Variants in C4orf50 observed in about 807,000 individuals in gnomAD.
C4orf50 encodes chromosome 4 open reading frame 50, also known as uncharacterized protein C4orf50.
In C4orf50, 80 loss-of-function variants were observed where a neutral mutation model predicts 77.2. The observed-to-expected ratio is 1.04, with a 90% confidence interval of 0.87 to 1.25. The LOEUF is 1.25. Ranked by LOEUF, C4orf50 falls within the 50% of genes most tolerant of loss-of-function variation. C4orf50 has a pLI of 0.00. For synonymous variants in C4orf50, 532 were observed against 465.3 expected, an observed-to-expected ratio of 1.14 and a Z score of -1.84; for missense variants, 1,257 against 1,152.9, an observed-to-expected ratio of 1.09 and a Z score of -1.31.
At chr4:6,004,333 ATGG>A (rs1722114848) in intron 25 of C4orf50, among the ~76,000 whole-genome samples, 4 of 104,594 alleles carry the variant, frequency 3.8e-5, no homozygotes, top group East Asian at 4.8e-4. Flanking sequence ...AATGGTGATG[ATGG>A]TGATGGTGAT....
Position 5,980,043 on chromosome 4 carries a change from C to A in C4orf50, c.3864+131G>T. Reference sequence around the variant, plus strand: ...TTTTTTTTCCTGGTACTGCCTTATACTTTAAAAATCCAGTACCTGCTCCCA... The same window carrying A: ...TTTTTTTTCCTGGTACTGCCTTATAATTTAAAAATCCAGTACCTGCTCCCA... On this transcript the variant is annotated intron_variant, in intron 29 of 33. Coordinates refer to ENST00000531445, the Ensembl canonical transcript of C4orf50. 4.6e-5 allele frequency: 27 copies of A among 588,790 alleles called. No individual in the cohort carries two copies. The East Asian group carries it at 5.0e-4, about 11-fold the overall frequency. The allele number at this position is 588,790 out of a possible 1,614,324, so 36.5% of individuals were successfully genotyped here. A position where few individuals can be genotyped will look rare whatever the true frequency, so the allele number is the denominator to read the frequency against.
intron 27 of C4orf50, among the ~76,000 whole-genome samples, 174 bp from the exon 6 acceptor site, chr4:5,990,998 C>T (rs541977931): frequency 2.6e-5 from 4 of 152,332 alleles, no homozygotes; most frequent in East Asian, 3.9e-4. Flanking sequence ...ACGTGCTCTT[C>T]GCTCTGCCCA....
intron 31 of C4orf50, among the ~76,000 whole-genome samples, chr4:5,972,454 A>G (rs1258304255): frequency 6.6e-6 from 1 of 152,246 alleles, no homozygotes; most frequent in Non-Finnish European, 1.5e-5. Context: ...AGAGAAGAGC[A>G]ACAGACTGGG....
At position 6,017,951 on chromosome 4, in the gene C4orf50, C is replaced by T. The variant is rs567862843; in HGVS notation, c.287+194G>A. Among the ~76,000 whole-genome samples, 119 of 152,268 alleles carry T rather than the reference C, an allele frequency of 7.8e-4. No homozygotes were observed. Among genetic ancestry groups the T allele is most frequent in the African/African-American group, 2.7e-3 (111 of 41,550 alleles). On this transcript the variant is annotated intron_variant, in intron 23 of 33. Coordinates refer to ENST00000531445, the Ensembl canonical transcript of C4orf50. The surrounding 1 kb of genome is among the most constrained non-coding windows in gnomAD (Gnocchi z 4.7). ...CCTTTGAGCAGAGGAGCCCGGGCAG[C>T]CTCATCTGCAGGTACAGAGCAGAAG... is the stretch of plus-strand genomic sequence containing the variant.
At chr4:5,948,519 G>A (rs1423936395) in intron 7 of C4orf50, among the ~76,000 whole-genome samples, 6 of 152,280 alleles carry the variant, frequency 3.9e-5, no homozygotes, top group African/African-American at 9.6e-5. Context: ...ACAAAAGGCC[G>A]GATGTGGTGG....
chr4:6,000,871 T>C lies in C4orf50; in HGVS notation c.964-6395A>G, dbSNP rs1721799896. On this transcript the variant is annotated intron_variant, in intron 25 of 33. Transcript: ENST00000531445. The surrounding 1 kb of genome is among the most constrained non-coding windows in gnomAD (Gnocchi z 6.0). The stretch of plus-strand genomic sequence containing the variant: ...CCATATTACCGTCTGAATTTTCATG[T>C]CCCCCCAAAACTCATCCGTTAAAAC... Among the ~76,000 whole-genome samples, 4 of 152,074 alleles carry C rather than the reference T, an allele frequency of 2.6e-5. No individual in the cohort carries two copies. In the South Asian group the frequency reaches 8.3e-4, roughly 32 times the overall value.
At chr4:5,922,994 T>G (rs1717349532) in intron 7 of C4orf50, among the ~76,000 whole-genome samples, 1 of 152,164 alleles carries the variant, frequency 6.6e-6, no homozygotes. Flanking sequence ...TTGACAGCAC[T>G]TCAGCATTCA....
intron 25 of C4orf50, among the ~76,000 whole-genome samples, chr4:6,004,211 G>GGTGATGATA (rs1722073472): frequency 1.4e-5 from 1 of 69,220 alleles, no homozygotes; most frequent in African/African-American, 4.9e-5. Flanking sequence ...TGGTGATGAT[G>GGTGATGATA]GTGATGGTGA....
chr4:5,921,412 C>G (rs576948149), intron 7 of C4orf50, among the ~76,000 whole-genome samples: 1 of 152,150 alleles, frequency 6.6e-6, no homozygotes, highest in Admixed American at 6.5e-5. Flanking sequence ...TACACACATG[C>G]GTGTCTGCAT....
rs1717047456 is a variant in C4orf50, at chr4:5,916,810, G to A, written c.*2475-18622C>T. Among the ~76,000 whole-genome samples the A allele has an allele frequency of 6.6e-6, 1 of 152,120 alleles. No individual in the cohort carries two copies. The highest frequency in any genetic ancestry group is 2.1e-4 in the South Asian group (1 of 4,820). ...GGCCTCGCAGATCTTCTGCTTAGAG[G>A]ACAGGAGCCTCTGCTTGAGGTGGGC... On this transcript the variant is annotated intron_variant, in intron 7 of 7. Coordinates refer to the C4orf50 transcript ENST00000324058. The surrounding 1 kb of genome is among the most constrained non-coding windows in gnomAD (Gnocchi z 4.4).
intron 23 of C4orf50, among the ~76,000 whole-genome samples, chr4:6,014,689 C>A (rs1477881536): frequency 6.6e-6 from 1 of 152,190 alleles, no homozygotes; most frequent in African/African-American, 2.4e-5. Flanking sequence ...AGTATTTCAT[C>A]CCTCAGCCTC....
intron 25 of C4orf50, among the ~76,000 whole-genome samples, chr4:5,997,634 C>T (rs1206724856): frequency 2.0e-5 from 3 of 152,186 alleles, no homozygotes; most frequent in African/African-American, 7.2e-5. Flanking sequence ...CTGGACTCAG[C>T]TTTCATGTGC....
At chr4:6,003,589 T>C (rs1206955288) in intron 25 of C4orf50, among the ~76,000 whole-genome samples, 1 of 129,354 alleles carries the variant, frequency 7.7e-6, no homozygotes, top group Non-Finnish European at 1.6e-5. Flanking sequence ...GTGATGGTGA[T>C]GTTGATGGTG....
At chr4:5,911,952 G>A (rs952012561) in intron 7 of C4orf50, among the ~76,000 whole-genome samples, 24 of 152,074 alleles carry the variant, frequency 1.6e-4, no homozygotes, top group African/African-American at 4.8e-4. Context: ...AGGCTGAGGC[G>A]GGAAAATCGC....
chr4:5,946,012 A>C (rs980618133), intron 7 of C4orf50, among the ~76,000 whole-genome samples: 2 of 151,806 alleles, frequency 1.3e-5, no homozygotes, highest in African/African-American at 4.8e-5. Context: ...TCTAGAACTT[A>C]CTCTCCACCC....
intron 7 of C4orf50, among the ~76,000 whole-genome samples, chr4:5,920,990 C>T (rs536433983): frequency 6.6e-6 from 1 of 152,332 alleles, no homozygotes; most frequent in Non-Finnish European, 1.5e-5. Context: ...GACAGTCACC[C>T]TCATGCTGAA....
In C4orf50 at chr4:5,958,270, G is replaced by A. The variant is rs976429954; in HGVS notation, c.*1105C>T. The A allele has an allele frequency of 2.6e-5, 4 of 151,884 alleles. No individual in the cohort carries two copies. Among genetic ancestry groups the A allele is most frequent in the South Asian group, 2.1e-4 (1 of 4,790 alleles). The allele number at this position is 151,884 out of a possible 1,614,324, so 9.4% of individuals were successfully genotyped here. On this transcript the variant is annotated 3_prime_UTR_variant, in exon 34 of 34. Coordinates refer to ENST00000531445, the Ensembl canonical transcript of C4orf50. This position sits in a 1 kb window ranked among gnomAD's most constrained non-coding sequence, Gnocchi z 5.4. ...TTCTCCTGGGTCGCCCACCTGATTCGGGGCACGAGTCTCTGTTCTCGGTGG... is the reference window on the plus strand; with the variant it reads ...TTCTCCTGGGTCGCCCACCTGATTCAGGGCACGAGTCTCTGTTCTCGGTGG...
chr4:6,007,750 G>A lies in C4orf50; in HGVS notation c.963+246C>T, dbSNP rs1253818837. On this transcript the variant is annotated intron_variant, in intron 25 of 33. Transcript: ENST00000531445. This position sits in a 1 kb window ranked among gnomAD's most constrained non-coding sequence, Gnocchi z 4.1. ...AAGTGTGTGCATCTGAGGATGGACA[G>A]GTGAGTGGACACGGTTGGTGGATGG... is the stretch of plus-strand genomic sequence containing the variant. Among the ~76,000 whole-genome samples the A allele has an allele frequency of 6.6e-6, 1 of 150,608 alleles. No individual in the cohort carries two copies.
At chr4:5,987,433 A>AAAAAAAAAAAAAT in intron 28 of C4orf50, among the ~76,000 whole-genome samples, 1 of 149,594 alleles carries the variant, frequency 6.7e-6, no homozygotes, top group African/African-American at 2.5e-5. Context: ...AAAAAAAAAA[A>AAAAAAAAAAAAAT]AAGAATACAA....
Sources: gnomAD v4.1 joint callset for allele counts (sites outside exome capture counted in the v4.1 genomes callset) on GRCh38, gnomAD v4.1.1 for gene constraint, Gnocchi (gnomAD v3.1) non-coding constraint, MANE v1.5 for transcripts, NCBI Gene and HGNC (gene_info 2026-07-23, HGNC 2026-07-21) for gene names.